PGAP1: variants seen among roughly 807,000 people sequenced by gnomAD.
PGAP1 encodes the protein GPI inositol-deacylase.
PGAP1 carries 76 observed loss-of-function variants against 127.0 expected under a neutral mutation model. The ratio of observed to expected loss-of-function variants is 0.60; its 90% CI spans 0.50 to 0.72. The LOEUF is 0.72. Ranked by LOEUF, PGAP1 falls within the 30% of genes least tolerant of loss-of-function variation. PGAP1 has a pLI of 0.00. For missense variants in PGAP1, 982 were observed against 1,071.3 expected, an observed-to-expected ratio of 0.92 and a Z score of 1.16; for synonymous variants, 362 against 366.5, an observed-to-expected ratio of 0.99 and a Z score of 0.14.
At chr2:196,893,007 T>A (rs1702152448) in intron 8 of PGAP1, 133 bp downstream of exon 8, 2 of 351,632 alleles carry the variant, frequency 5.7e-6, no homozygotes, top group African/African-American at 4.3e-5. Flanking sequence ...ATTAATAATA[T>A]ATGTATATAT....
chr2:196,887,112 T>C (rs1223192417), intron 10 of PGAP1, among the ~76,000 whole-genome samples: 1 of 152,188 alleles, frequency 6.6e-6, no homozygotes, highest in Non-Finnish European at 1.5e-5. Flanking sequence ...TATTCAGCTT[T>C]AGTCAATTAA....
intron 12 of PGAP1, among the ~76,000 whole-genome samples, chr2:196,881,968 T>C (rs991412717): frequency 3.3e-5 from 5 of 152,172 alleles, no homozygotes; most frequent in African/African-American, 1.2e-4. Flanking sequence ...GTTTTCCACA[T>C]TTTTTATAGT....
chr2:196,885,604 T>A (rs894920497), intron 11 of PGAP1, 129 bp from the exon 12 acceptor site: 3 of 704,130 alleles, frequency 4.3e-6, no homozygotes, highest in South Asian at 5.3e-5. Context: ...CCTAATCCAA[T>A]ATACTCTGTC....
At chr2:196,854,960 C>CTT (rs1204441230) in intron 20 of PGAP1, among the ~76,000 whole-genome samples, 3 of 143,864 alleles carry the variant, frequency 2.1e-5, no homozygotes, top group Non-Finnish European at 3.1e-5. Flanking sequence ...TCTTTTTAAA[C>CTT]TTTTTTTTTT....
chr2:196,855,801 T>C (rs1389932861), intron 20 of PGAP1, among the ~76,000 whole-genome samples: 1 of 152,202 alleles, frequency 6.6e-6, no homozygotes, highest in Non-Finnish European at 1.5e-5. Context: ...GTCCTCTCTT[T>C]ATAACAGGAC....
At chr2:196,885,568 T>C (rs1416011856) in intron 11 of PGAP1, 93 bp from the exon 12 acceptor site, 1 of 919,516 alleles carries the variant, frequency 1.1e-6, no homozygotes, top group Non-Finnish European at 1.7e-6. Flanking sequence ...AAACCATCTC[T>C]ACACCTAGTA....
intron 13 of PGAP1, among the ~76,000 whole-genome samples, 187 bp from the exon 14 acceptor site, chr2:196,876,008 G>C (rs866990774): frequency 6.6e-6 from 1 of 152,074 alleles, no homozygotes; most frequent in African/African-American, 2.4e-5. Flanking sequence ...ACTATGCTGA[G>C]AAAACTTGAT....
chr2:196,880,172 A>T lies in PGAP1; in HGVS notation c.1273-19T>A. 7.4e-7 allele frequency: 1 copy of T among 1,350,006 alleles called. No individual in the cohort carries two copies. Among genetic ancestry groups the T allele is most frequent in the Non-Finnish European group, 1.0e-6 (1 of 986,042 alleles). 83.6% of individuals were successfully genotyped at this position (1,350,006 alleles called of 1,614,324 possible). On this transcript the variant is annotated intron_variant, in intron 12 of 26. Coordinates refer to ENST00000354764, the MANE Select transcript of PGAP1 (RefSeq NM_024989.4). ...TCAGATACTAAAATAAAAAAAAAAG[A>T]AACTACTTTTATTTCTTAGAGATTA...
At chr2:196,868,764 T>A (rs1701321089) in intron 19 of PGAP1, among the ~76,000 whole-genome samples, 1 of 152,170 alleles carries the variant, frequency 6.6e-6, no homozygotes, top group Non-Finnish European at 1.5e-5. Flanking sequence ...TTATGAAAAG[T>A]TATCTATTGA....
chr2:196,856,978 T>C (rs1700905142), intron 20 of PGAP1, among the ~76,000 whole-genome samples: 1 of 152,122 alleles, frequency 6.6e-6, no homozygotes, highest in Non-Finnish European at 1.5e-5. Context: ...TGGTTAGCTA[T>C]ATTCCTAGGT....
At chr2:196,913,841 C>G (rs1230527859) in intron 3 of PGAP1, among the ~76,000 whole-genome samples, 1 of 152,188 alleles carries the variant, frequency 6.6e-6, no homozygotes, top group Non-Finnish European at 1.5e-5. Flanking sequence ...TCACCATTCC[C>G]TAAATGATAA....
chr2:196,866,839 C>T (rs536519368), intron 19 of PGAP1, among the ~76,000 whole-genome samples: 2 of 151,914 alleles, frequency 1.3e-5, no homozygotes, highest in Non-Finnish European at 2.9e-5. Context: ...CAAAAGAAGA[C>T]ATTTATGTGG....
intron 19 of PGAP1, among the ~76,000 whole-genome samples, chr2:196,869,623 C>A (rs1334795875): frequency 6.6e-6 from 1 of 152,150 alleles, no homozygotes; most frequent in East Asian, 1.9e-4. Flanking sequence ...CGTGAGCCAC[C>A]GCACCCGGCC....
chr2:196,905,550 C>T (rs1365405286), intron 4 of PGAP1, among the ~76,000 whole-genome samples: 1 of 152,176 alleles, frequency 6.6e-6, no homozygotes, highest in Non-Finnish European at 1.5e-5. Context: ...TCTCACTTAA[C>T]TACAAACAAA....
At chr2:196,904,511 G>A (rs1702621654) in intron 4 of PGAP1, among the ~76,000 whole-genome samples, 2 of 152,178 alleles carry the variant, frequency 1.3e-5, no homozygotes, top group Non-Finnish European at 2.9e-5. Context: ...GCCGAGGCGG[G>A]CGGATCATGA....
At chr2:196,876,171 A>G (rs578158574) in intron 13 of PGAP1, among the ~76,000 whole-genome samples, 1 of 152,292 alleles carries the variant, frequency 6.6e-6, no homozygotes, top group South Asian at 2.1e-4. Context: ...ATTCAAGATT[A>G]GTTAAAGATT....
intron 22 of PGAP1, 120 bp downstream of exon 22, chr2:196,846,883 G>T: frequency 1.0e-5 from 8 of 781,108 alleles, no homozygotes; most frequent in Non-Finnish European, 1.4e-5. Context: ...CCATACTTTC[G>T]CTAGTTATAT....
At chr2:196,876,209 T>C (rs1313182260) in intron 13 of PGAP1, among the ~76,000 whole-genome samples, 4 of 152,154 alleles carry the variant, frequency 2.6e-5, no homozygotes, top group Admixed American at 6.5e-5. Context: ...AATACTTTCA[T>C]AGTCAAAAGG....
At chr2:196,855,861 C>A (rs937387253) in intron 20 of PGAP1, among the ~76,000 whole-genome samples, 2 of 152,056 alleles carry the variant, frequency 1.3e-5, no homozygotes, top group Admixed American at 6.6e-5. Context: ...ACGGCTTTAT[C>A]AAAAATGTTA....
Sources: allele counts gnomAD v4.1 joint callset (sites outside exome capture counted in the v4.1 genomes callset), GRCh38; gene constraint gnomAD v4.1.1; transcripts MANE v1.5; gene names NCBI Gene and HGNC (gene_info 2026-07-23, HGNC 2026-07-21).